GLIPR2: variants seen among roughly 807,000 people sequenced by gnomAD.
The protein encoded by GLIPR2 is Golgi-associated plant pathogenesis-related protein 1.
Under a neutral mutation model 20.4 loss-of-function variants are expected in GLIPR2, and 21 were observed. That is an observed-to-expected ratio of 1.03 (90% CI 0.73 to 1.48). The LOEUF (loss-of-function observed/expected upper bound fraction) is 1.48, where lower values mean the gene tolerates loss of function less well. Ranked by LOEUF, GLIPR2 falls within the 40% of genes most tolerant of loss-of-function variation. GLIPR2 has a pLI of 0.00. For missense variants in GLIPR2, 205 were observed against 200.1 expected (o/e 1.02, Z -0.15); for synonymous variants, 91 against 80.5 (o/e 1.13, Z -0.70).
chr9:36,139,061 G>T (rs898586833), intron 1 of GLIPR2, among the ~76,000 whole-genome samples: 2 of 152,110 alleles, frequency 1.3e-5, no homozygotes, highest in Non-Finnish European at 2.9e-5. Flanking sequence ...AGGCATCCAG[G>T]GCAGGGTGGA....
chr9:36,142,523 C>G (rs1384078999), intron 1 of GLIPR2, among the ~76,000 whole-genome samples: 1 of 152,196 alleles, frequency 6.6e-6, no homozygotes, highest in Admixed American at 6.5e-5. Flanking sequence ...AGAAAGCAGG[C>G]CCGGGATGGG....
chr9:36,141,807 C>A (rs772762627), intron 1 of GLIPR2: 3 of 454,534 alleles, frequency 6.6e-6, no homozygotes, highest in African/African-American at 6.0e-5. Context: ...GCGTGGGTCA[C>A]CACGCATGGC....
At chr9:36,141,634 C>A (rs2132713627) in intron 1 of GLIPR2, among the ~76,000 whole-genome samples, 1 of 152,214 alleles carries the variant, frequency 6.6e-6, no homozygotes, top group East Asian at 1.9e-4. Context: ...AGAGGAGGGG[C>A]ATAGACCTCC....
At chr9:36,156,083 G>A (rs757932442) in intron 4 of GLIPR2, among the ~76,000 whole-genome samples, 4 of 152,106 alleles carry the variant, frequency 2.6e-5, no homozygotes, top group Admixed American at 1.3e-4. Context: ...GGTGGCGCAC[G>A]CCTGTAATCC....
At chr9:36,146,986 TA>T (rs1325186638) in intron 1 of GLIPR2, among the ~76,000 whole-genome samples, 1 of 152,128 alleles carries the variant, frequency 6.6e-6, no homozygotes, top group Non-Finnish European at 1.5e-5. Context: ...GCCCCTGCAG[TA>T]GGTTTCTGTG....
At chr9:36,160,650 C>G (rs771537041) in intron 4 of GLIPR2, among the ~76,000 whole-genome samples, 5 of 152,132 alleles carry the variant, frequency 3.3e-5, no homozygotes, top group African/African-American at 4.8e-5. Context: ...GAGGCCACTG[C>G]ACCAAAGGAT....
intron 4 of GLIPR2, among the ~76,000 whole-genome samples, chr9:36,157,817 T>G (rs966935348): frequency 2.7e-5 from 4 of 150,904 alleles, no homozygotes; most frequent in Non-Finnish European, 4.4e-5. Context: ...TTTTTTTTTG[T>G]TTTTTGTTTT....
intron 1 of GLIPR2, among the ~76,000 whole-genome samples, chr9:36,142,924 G>A (rs1006217336): frequency 3.3e-5 from 5 of 151,904 alleles, no homozygotes; most frequent in African/African-American, 1.2e-4. Context: ...CAGGAGTGGG[G>A]AGAGAGGACT....
At chr9:36,146,873 C>T (rs962218342) in intron 1 of GLIPR2, among the ~76,000 whole-genome samples, 3 of 152,164 alleles carry the variant, frequency 2.0e-5, no homozygotes, top group Admixed American at 6.5e-5. Flanking sequence ...CCTTCCCAGG[C>T]GGGCGTTACA....
At chr9:36,157,001 A>G (rs1318903292) in intron 4 of GLIPR2, among the ~76,000 whole-genome samples, 4 of 151,768 alleles carry the variant, frequency 2.6e-5, no homozygotes, top group African/African-American at 7.3e-5. Context: ...ATTCCTTTTT[A>G]TTTTAATTTA....
intron 4 of GLIPR2, among the ~76,000 whole-genome samples, chr9:36,152,468 G>A (rs1825628645): frequency 6.6e-6 from 1 of 152,096 alleles, no homozygotes. Context: ...TGCCTCCATG[G>A]GCTGGGTGCG....
intron 1 of GLIPR2, among the ~76,000 whole-genome samples, chr9:36,143,643 G>C (rs983376892): frequency 2.6e-5 from 4 of 152,298 alleles, no homozygotes; most frequent in Admixed American, 2.0e-4. Context: ...TCTTGGGTCA[G>C]TTGTTCATCT....
Position 36,162,405 on chromosome 9 carries a change from C to T in GLIPR2, c.348C>T (p.Gly116=). 3.1e-6 allele frequency: 5 copies of T among 1,614,036 alleles called. No individual in the cohort carries two copies. The highest frequency in any genetic ancestry group is 2.2e-5 in the South Asian group (2 of 91,074). The change falls in exon 5 of 5, where the codon GGC becomes GGT. Residue 116 remains glycine, a synonymous_variant. Transcript: ENST00000377960. Reference sequence around the variant, plus strand: ...TATGGAAGAACACCAAGAAGATGGGCGTGGGGAAGGCGTCCGCAAGTGACG... The same window carrying T: ...TATGGAAGAACACCAAGAAGATGGGTGTGGGGAAGGCGTCCGCAAGTGACG... The part of the protein sequence containing the change: ...AMVWKNTKKM[G]VGKASASDGS...
intron 1 of GLIPR2, among the ~76,000 whole-genome samples, chr9:36,142,384 G>T (rs1388158758): frequency 6.6e-6 from 1 of 152,138 alleles, no homozygotes; most frequent in Non-Finnish European, 1.5e-5. Context: ...AATTTGGGCA[G>T]GTAACTTCCC....
At chr9:36,159,872 A>G (rs151306345) in intron 4 of GLIPR2, among the ~76,000 whole-genome samples, 2,788 of 151,886 alleles carry the variant, frequency 0.018, 33 homozygotes, top group Non-Finnish European at 0.028. Context: ...AGGCTGAGGC[A>G]GGAGAATTGC....
At chr9:36,161,643 G>C (rs1826057203) in intron 4 of GLIPR2, among the ~76,000 whole-genome samples, 1 of 152,102 alleles carries the variant, frequency 6.6e-6, no homozygotes, top group Non-Finnish European at 1.5e-5. Context: ...AACCAAAAGG[G>C]GGAGGGGTGC....
chr9:36,160,168 C>T (rs1052619651), intron 4 of GLIPR2, among the ~76,000 whole-genome samples: 1 of 152,000 alleles, frequency 6.6e-6, no homozygotes, highest in African/African-American at 2.4e-5. Context: ...GGATTACAGG[C>T]ATGCACCACC....
chr9:36,150,233 A>G (rs1347946855), intron 3 of GLIPR2, among the ~76,000 whole-genome samples: 1 of 152,212 alleles, frequency 6.6e-6, no homozygotes, highest in East Asian at 1.9e-4. Context: ...CTACTGAATC[A>G]GAATCTGCCC....
intron 4 of GLIPR2, among the ~76,000 whole-genome samples, chr9:36,161,735 A>G (rs925320657): frequency 6.6e-6 from 1 of 152,168 alleles, no homozygotes; most frequent in African/African-American, 2.4e-5. Context: ...GAGCTTCAAG[A>G]TTACAGCTTG....
Sources: gnomAD v4.1 joint callset for allele counts (sites outside exome capture counted in the v4.1 genomes callset) on GRCh38, gnomAD v4.1.1 for gene constraint, MANE v1.5 for transcripts, NCBI Gene and HGNC (gene_info 2026-07-23, HGNC 2026-07-21) for gene names.